PROM1: variants seen among roughly 807,000 people sequenced by gnomAD.
The protein encoded by PROM1 is prominin 1.
A neutral mutation model predicts 116.9 loss-of-function variants in PROM1; 105 were observed. The observed-to-expected ratio is 0.90, with a 90% confidence interval of 0.77 to 1.06. The LOEUF (loss-of-function observed/expected upper bound fraction) is 1.06, where lower values mean the gene tolerates loss of function less well. Among genes scored for constraint, PROM1 ranks in the 50% least tolerant of loss-of-function variants. The pLI is 0.00. For synonymous variants in PROM1, 393 were observed against 387.0 expected (o/e 1.02, Z -0.18); for missense variants, 1,122 against 1,045.2 (o/e 1.07, Z -1.01).
chr4:15,987,854 A>C, intron 19 of PROM1, 138 bp from the exon 20 acceptor site: 1 of 690,768 alleles, frequency 1.4e-6, no homozygotes, highest in Non-Finnish European at 2.4e-6. Context: ...AAAATAACCA[A>C]CACAATTAAC....
intron 2 of PROM1, among the ~76,000 whole-genome samples, chr4:16,046,918 C>T (rs577438527): frequency 1.3e-5 from 2 of 152,356 alleles, no homozygotes; most frequent in African/African-American, 4.8e-5. Flanking sequence ...CGCACTCCTT[C>T]CCACCCTCAT....
chr4:16,081,950 TAGAC>T lies in PROM1; in HGVS notation c.-213+2024_-213+2027del, dbSNP rs369234352. 4.8e-3 allele frequency among the ~76,000 whole-genome samples: 727 copies of T among 152,026 alleles called. 4 individuals carry two copies. The highest frequency in any genetic ancestry group is 8.6e-3 in the Non-Finnish European group (582 of 67,964). ...GAATAAACTAAAGGGCACTGCTGAA[TAGAC>T]AGACAACAGCAACAGTAAGGGGGCT... On this transcript the variant is annotated intron_variant, in intron 1 of 27. Transcript: ENST00000447510.
intron 1 of PROM1, chr4:16,080,587 T>A (rs531152078): frequency 7.2e-5 from 11 of 152,356 alleles, no homozygotes; most frequent in African/African-American, 2.4e-4. Context: ...TTTCTTCTTT[T>A]GATGGAACTT....
chr4:16,069,190 G>T (rs979735625), intron 2 of PROM1, among the ~76,000 whole-genome samples: 3 of 152,162 alleles, frequency 2.0e-5, no homozygotes, highest in African/African-American at 7.2e-5. Context: ...AGCCGAGATC[G>T]TGCCACTGCA....
chr4:15,980,262 G>A (rs375950701), intron 24 of PROM1, 160 bp downstream of exon 24: 181 of 580,358 alleles, frequency 3.1e-4, no homozygotes, highest in South Asian at 7.6e-4. Context: ...TCAGTACCAA[G>A]AAAAAAAAAT....
At chr4:16,039,366 T>C (rs1734651863) in intron 2 of PROM1, among the ~76,000 whole-genome samples, 1 of 152,238 alleles carries the variant, frequency 6.6e-6, no homozygotes, top group African/African-American at 2.4e-5. Flanking sequence ...GAAACACAAA[T>C]GAAATTTATT....
chr4:15,980,665 T>C lies in PROM1; in HGVS notation c.2374-128A>G, dbSNP rs1717627921. The C allele has an allele frequency of 1.0e-5, 7 of 678,380 alleles. No individual in the cohort carries two copies. In the South Asian group the frequency reaches 1.4e-4, roughly 13 times the overall value. The allele number at this position is 678,380 out of a possible 1,614,324, so 42.0% of individuals were successfully genotyped here. A position where few individuals can be genotyped will look rare whatever the true frequency, so the allele number is the denominator to read the frequency against. The stretch of plus-strand genomic sequence containing the variant: ...AAAAATGAGTTGTCATTTTGTTCTT[T>C]AAAACAATTTGAGAATGTCATGTGG... On this transcript the variant is annotated intron_variant, in intron 23 of 27. Transcript: ENST00000447510.
At chr4:15,976,743 T>A (rs1252814996) in intron 26 of PROM1, among the ~76,000 whole-genome samples, 1 of 152,218 alleles carries the variant, frequency 6.6e-6, no homozygotes, top group African/African-American at 2.4e-5. Context: ...GAGGACTTAT[T>A]GGATGCAGCA....
intron 2 of PROM1, among the ~76,000 whole-genome samples, chr4:16,048,828 C>T (rs188675729): frequency 6.6e-6 from 1 of 152,190 alleles, no homozygotes. Context: ...GTGCTCACAG[C>T]CACGTGTGGA....
intron 20 of PROM1, among the ~76,000 whole-genome samples, 197 bp from the exon 21 acceptor site, chr4:15,986,234 C>G (rs1048858841): frequency 2.0e-5 from 3 of 152,134 alleles, no homozygotes; most frequent in Non-Finnish European, 2.9e-5. Flanking sequence ...TTTACTCTAG[C>G]CCAGACACTG....
intron 13 of PROM1, chr4:16,003,197 G>A (rs1226646405): frequency 4.7e-6 from 2 of 426,870 alleles, no homozygotes; most frequent in Non-Finnish European, 9.7e-6. Context: ...GGGGCCATGT[G>A]ATCTTCCACG....
At chr4:15,978,531 C>T (rs532549489) in intron 26 of PROM1, among the ~76,000 whole-genome samples, 1 of 152,320 alleles carries the variant, frequency 6.6e-6, no homozygotes, top group Non-Finnish European at 1.5e-5. Flanking sequence ...TGTGGGCTTA[C>T]CTGAATGTGG....
At chr4:15,993,944 T>G in intron 16 of PROM1, 43 bp downstream of exon 16, 2 of 1,576,546 alleles carry the variant, frequency 1.3e-6, no homozygotes, top group Non-Finnish European at 1.7e-6. Context: ...CTAGATTTGG[T>G]GAAGGAATGT....
At position 16,033,586 on chromosome 4, in the gene PROM1, C is replaced by CTTTT. The variant is rs60492380; in HGVS notation, c.304-81_304-78dup. The CTTTT allele has an allele frequency of 0.24, 63,718 of 269,248 alleles. 10,048 individuals carry two copies. The highest frequency in any genetic ancestry group is 0.28 in the Non-Finnish European group (46,180 of 165,558). The allele number at this position is 269,248 out of a possible 1,614,324, so 16.7% of individuals were successfully genotyped here. A position where few individuals can be genotyped will look rare whatever the true frequency, so the allele number is the denominator to read the frequency against. ...AGAACATTCCATGGTGTACAAAGTT[C>CTTTT]TTTTTTTTTTTTTTTTTTTTTGAGA... On this transcript the variant is annotated intron_variant, in intron 4 of 27. Transcript: ENST00000447510.
intron 5 of PROM1, among the ~76,000 whole-genome samples, chr4:16,032,773 G>C (rs1733025361): frequency 1.3e-5 from 2 of 152,200 alleles, no homozygotes; most frequent in Admixed American, 1.3e-4. Context: ...CGTGAAGTGT[G>C]TTCCAGACTT....
chr4:15,981,045 T>C (rs2149045357), intron 23 of PROM1, among the ~76,000 whole-genome samples: 1 of 151,540 alleles, frequency 6.6e-6, no homozygotes, highest in East Asian at 2.0e-4. Context: ...CACTGCAAGC[T>C]CCGCCTCCTG....
At chr4:16,014,635 T>C (rs1358003357) in intron 10 of PROM1, among the ~76,000 whole-genome samples, 1 of 152,164 alleles carries the variant, frequency 6.6e-6, no homozygotes, top group Non-Finnish European at 1.5e-5. Context: ...AGGATATAAA[T>C]AACTCCCACA....
chr4:16,077,374 G>A (rs1034684672), intron 1 of PROM1, among the ~76,000 whole-genome samples: 1 of 152,286 alleles, frequency 6.6e-6, no homozygotes, highest in East Asian at 1.9e-4. Context: ...CTTTGTTCAC[G>A]TGTTTATCTG....
intron 17 of PROM1, among the ~76,000 whole-genome samples, chr4:15,991,765 T>A (rs1721051081): frequency 1.3e-5 from 2 of 151,120 alleles, no homozygotes; most frequent in African/African-American, 4.9e-5. Flanking sequence ...AAACCCCGTC[T>A]CTACTAAAAA....
Sources: gnomAD v4.1 joint callset for allele counts (sites outside exome capture counted in the v4.1 genomes callset) on GRCh38, gnomAD v4.1.1 for gene constraint, MANE v1.5 for transcripts, NCBI Gene and HGNC (gene_info 2026-07-23, HGNC 2026-07-21) for gene names.